HYI: variants seen among roughly 807,000 people sequenced by gnomAD.
HYI encodes the protein putative hydroxypyruvate isomerase.
In HYI, 47 loss-of-function variants were observed where a neutral mutation model predicts 39.7. The ratio of observed to expected loss-of-function variants is 1.18; its 90% CI spans 0.94 to 1.51. The LOEUF (loss-of-function observed/expected upper bound fraction) is 1.51, where lower values mean the gene tolerates loss of function less well. Ranked by LOEUF, HYI falls within the 40% of genes most tolerant of loss-of-function variation. The pLI, the probability that HYI is intolerant of heterozygous loss-of-function variation, is 0.00. For synonymous variants in HYI, 186 were observed against 158.8 expected, an observed-to-expected ratio of 1.17 and a Z score of -1.29; for missense variants, 465 against 370.3, an observed-to-expected ratio of 1.26 and a Z score of -2.10.
Position 43,453,627 on chromosome 1 carries a change from C to T in HYI, c.167G>A (p.Gly56Glu), listed in dbSNP as rs551641144. 1.8e-3 allele frequency: 2,706 copies of T among 1,496,150 alleles called. 4 individuals carry two copies. The highest frequency in any genetic ancestry group is 2.2e-3 in the Non-Finnish European group (2,486 of 1,128,570). The allele number at this position is 1,496,150 out of a possible 1,614,324, so 92.7% of individuals were successfully genotyped here. A position where few individuals can be genotyped will look rare whatever the true frequency, so the allele number is the denominator to read the frequency against. The change falls in exon 1 of 8, where the codon GGG becomes GAG. Residue 56 changes from glycine (G) to glutamate (E), a missense_variant. By Grantham distance (98) the Gly-to-Glu change is moderately conservative. Coordinates refer to ENST00000372430, the MANE Select transcript of HYI (RefSeq NM_001190880.3). ...CGTGTTGATCAGTACAAGCCGCAGC[C>T]CCGCTTCTCGCGCGGCGCGCGCCAG... Reference protein sequence around the residue: ...EALARAAREAGLRLVLINTPP... With the variant: ...EALARAAREAELRLVLINTPP...
downstream of HYI, chr1:43,450,979 G>A (rs561777385): frequency 5.1e-5 from 39 of 763,768 alleles, no homozygotes; most frequent in East Asian, 9.7e-5. This position sits in a 1 kb window ranked among gnomAD's most constrained non-coding sequence, Gnocchi z 4.3. Context: ...TGTGGCCACC[G>A]TCAAGTCCCT....
rs1201978606 is a variant in HYI at position 43,451,137 on chromosome 1, T to C, written c.*101A>G. 5 of 1,141,090 alleles carry C rather than the reference T, an allele frequency of 4.4e-6. No homozygotes were observed. The Admixed American group carries it at 8.5e-5, about 19-fold the overall frequency. 70.7% of individuals were successfully genotyped at this position (1,141,090 alleles called of 1,614,324 possible). Reference sequence around the variant, plus strand: ...AGACACTATGTGTCCCACCACCCCATTACAGAGACATATGACAATGTTCAG... The same window carrying C: ...AGACACTATGTGTCCCACCACCCCACTACAGAGACATATGACAATGTTCAG... On this transcript the variant is annotated 3_prime_UTR_variant, in exon 8 of 8. Transcript: ENST00000372430.
chr1:43,453,790 C>A lies in HYI; in HGVS notation c.4G>T (p.Ala2Ser), dbSNP rs754502980. The A allele has an allele frequency of 2.3e-6, 3 of 1,280,472 alleles. No homozygotes were observed. The highest frequency in any genetic ancestry group is 2.8e-5 in the South Asian group (1 of 35,940). 79.3% of individuals were successfully genotyped at this position (1,280,472 alleles called of 1,614,324 possible). Residue 2 changes from alanine to serine, a missense_variant, in exon 1 of 8, where the codon GCG becomes TCG. By Grantham distance (99) the Ala-to-Ser change is moderately conservative. Coordinates refer to ENST00000372430, the MANE Select transcript of HYI (RefSeq NM_001190880.3). M[A>S]PLRFSANLSW... ...AGATTGGCGGAGAAGCGCAGCGGCG[C>A]CATGCCTGGGGAGGCCGGGCCGGGC...
chr1:43,453,209 A>G (rs115834564), intron 2 of HYI, 177 bp downstream of exon 2: 2 of 640,360 alleles, frequency 3.1e-6, no homozygotes, highest in Non-Finnish European at 5.5e-6. Context: ...AGTGGCAAAC[A>G]GAGTGGCATA....
chr1:43,453,705 G>A lies in HYI; in HGVS notation c.89C>T (p.Ser30Leu), dbSNP rs770343251. 9.1e-6 allele frequency: 13 copies of A among 1,421,330 alleles called. No individual in the cohort carries two copies. The African/African-American group carries it at 1.7e-4, about 18-fold the overall frequency. The allele number at this position is 1,421,330 out of a possible 1,614,324, so 88.0% of individuals were successfully genotyped here. The part of the protein sequence containing the change: ...LPARVRAAGS[S>L]GFEAVEVAWP... ...GGCCACCTCGACGGCCTCGAAGCCC[G>A]AGCTGCCCGCGGCCCGCACCCGCGC... Residue 30 changes from serine to leucine, a missense_variant, in exon 1 of 8, where the codon TCG becomes TTG. Physicochemically the swap from Ser to Leu is moderately radical, Grantham distance 145. Coordinates refer to ENST00000372430, the MANE Select transcript of HYI (RefSeq NM_001190880.3).
chr1:43,451,400 C>A lies in HYI; in HGVS notation c.760+10G>T, dbSNP rs766303821. On this transcript the variant is annotated intron_variant, in intron 7 of 7. Coordinates refer to ENST00000372430, the MANE Select transcript of HYI (RefSeq NM_001190880.3). ...CCTCCAGAGCTCCCTTCCCCAGGGC[C>A]ACGCCTCACCTCGAGGCTGATACTC... is the stretch of plus-strand genomic sequence containing the variant. 1 of 1,612,256 alleles carries A rather than the reference C, an allele frequency of 6.2e-7. No individual in the cohort carries two copies. Among genetic ancestry groups the A allele is most frequent in the East Asian group, 2.2e-5 (1 of 44,860 alleles).
rs1557618320 is a variant in HYI at position 43,453,572 on chromosome 1, A to AGCCCTCCCG, written c.199+14_199+22dup. The AGCCCTCCCG allele has an allele frequency of 5.1e-6, 7 of 1,378,008 alleles. No homozygotes were observed. In the South Asian group the frequency reaches 6.5e-5, roughly 13 times the overall value. 85.4% of individuals were successfully genotyped at this position (1,378,008 alleles called of 1,614,324 possible). A position where few individuals can be genotyped will look rare whatever the true frequency, so the allele number is the denominator to read the frequency against. On this transcript the variant is annotated intron_variant, in intron 1 of 7. Coordinates refer to ENST00000372430, the MANE Select transcript of HYI (RefSeq NM_001190880.3). The stretch of plus-strand genomic sequence containing the variant: ...CGCCCCGGCACCCCCCAGCCCTCCC[A>AGCCCTCCCG]GCCCTCCCGGCCCGCGACGCACCCG...
Position 43,453,601 on chromosome 1 carries a change from G to T in HYI, c.193C>A (p.Pro65Thr). The T allele has an allele frequency of 6.6e-7, 1 of 1,526,666 alleles. No homozygotes were observed. 94.6% of individuals were successfully genotyped at this position (1,526,666 alleles called of 1,614,324 possible). A position where few individuals can be genotyped will look rare whatever the true frequency, so the allele number is the denominator to read the frequency against. The change falls in exon 1 of 8, where the codon CCC (proline) becomes ACC (threonine). Residue 65 changes from proline to threonine, a missense_variant. Transcript: ENST00000372430. ...AGLRLVLINTPPGDQEKGEMG... is the reference protein window; with the variant it reads ...AGLRLVLINTTPGDQEKGEMG... ...CTCCCGGCCCGCGACGCACCCGGGG[G>T]CGTGTTGATCAGTACAAGCCGCAGC... is the stretch of plus-strand genomic sequence containing the variant.
In HYI at chr1:43,453,120, C is replaced by T. The variant is rs549656793; in HGVS notation, c.311+266G>A. 13 of 722,244 alleles carry T rather than the reference C, an allele frequency of 1.8e-5. No individual in the cohort carries two copies. In the African/African-American group the frequency reaches 2.1e-4, roughly 12 times the overall value. The allele number at this position is 722,244 out of a possible 1,614,324, so 44.7% of individuals were successfully genotyped here. A position where few individuals can be genotyped will look rare whatever the true frequency, so the allele number is the denominator to read the frequency against. ...AATAGGCCTGTCCTCAAATGCATCA[C>T]TGTATATATTTACTCTCCTATCTGC... On this transcript the variant is annotated intron_variant, in intron 2 of 7. Coordinates refer to ENST00000372430, the MANE Select transcript of HYI (RefSeq NM_001190880.3).
Position 43,453,475 on chromosome 1 carries a change from C to A in HYI, c.222G>T (p.Met74Ile), listed in dbSNP as rs1428608586. 1 of 1,560,692 alleles carries A rather than the reference C, an allele frequency of 6.4e-7. No homozygotes were observed. The highest frequency in any genetic ancestry group is 2.4e-5 in the East Asian group (1 of 41,312). ...TPPGDQEKGEMGLGAVPGRQA... is the reference protein window; with the variant it reads ...TPPGDQEKGEIGLGAVPGRQA... ...GTCTCCCGGGGACGGCCCCCAGCCC[C>A]ATTTCCCCCTTCTCTTGGTCTCCTG... The change falls in exon 2 of 8, where the codon ATG (methionine) becomes ATT (isoleucine). Residue 74 changes from methionine to isoleucine, a missense_variant. By Grantham distance (10) the Met-to-Ile change is conservative. Coordinates refer to ENST00000372430, the MANE Select transcript of HYI (RefSeq NM_001190880.3).
chr1:43,452,538 T>C, intron 2 of HYI: 2 of 654,796 alleles, frequency 3.1e-6, no homozygotes, highest in Non-Finnish European at 2.8e-6. Context: ...CACCGCCTCC[T>C]GCCTCCAGTA....
In HYI at chr1:43,452,632, T is replaced by C. The variant is rs1482734450; in HGVS notation, c.312-313A>G. 2 of 595,620 alleles carry C rather than the reference T, an allele frequency of 3.4e-6. 1 individual carries two copies. The highest frequency in any genetic ancestry group is 6.0e-6 in the Non-Finnish European group (2 of 333,662). 36.9% of individuals were successfully genotyped at this position (595,620 alleles called of 1,614,324 possible). On this transcript the variant is annotated intron_variant, in intron 2 of 7. Transcript: ENST00000372430. ...TCACCTTTAAAAATTGTCCTGACCT[T>C]TGCTTGCCCTTCTCAGGTATTCCAT... is the stretch of plus-strand genomic sequence containing the variant.
At position 43,453,927 on chromosome 1, in the gene HYI, CG is replaced by C; in HGVS notation, c.-135del. 2 of 1,205,640 alleles carry C rather than the reference CG, an allele frequency of 1.7e-6. No homozygotes were observed. Among genetic ancestry groups the C allele is most frequent in the Non-Finnish European group, 2.1e-6 (2 of 971,428 alleles). 74.7% of individuals were successfully genotyped at this position (1,205,640 alleles called of 1,614,324 possible). A position where few individuals can be genotyped will look rare whatever the true frequency, so the allele number is the denominator to read the frequency against. ...CGAGCACTGTTCGTGGTTAGAAAAG[CG>C]AAGTGCTGTAAAAACCCGGGCCTTC... On this transcript the variant is annotated 5_prime_UTR_variant, in exon 1 of 8. Coordinates refer to ENST00000372430, the MANE Select transcript of HYI (RefSeq NM_001190880.3).
chr1:43,451,189 G>T lies in HYI; in HGVS notation c.*49C>A. 1 of 1,518,162 alleles carries T rather than the reference G, an allele frequency of 6.6e-7. No homozygotes were observed. Among genetic ancestry groups the T allele is most frequent in the Non-Finnish European group, 9.2e-7 (1 of 1,092,698 alleles). 94.0% of individuals were successfully genotyped at this position (1,518,162 alleles called of 1,614,324 possible). On this transcript the variant is annotated 3_prime_UTR_variant, in exon 8 of 8. Transcript: ENST00000372430. ...AGGTCATCTTTAATGCAGAGGAGGA[G>T]ATGGGATGTCACTCGCTGTCTGGAG...
rs377492617 is a variant in HYI at position 43,451,942 on chromosome 1, G to A, written c.498C>T (p.Pro166=). The A allele has an allele frequency of 1.9e-6, 3 of 1,612,274 alleles. No homozygotes were observed. The highest frequency in any genetic ancestry group is 1.1e-5 in the South Asian group (1 of 91,030). ...ACAGGGCTGGGGTCGTACCCTGCTG[G>A]GGCGTGTCCAGGAAGTACTGGGGGT... ...ITDPQYFLDT[P]QQAAAILQKV... Residue 166 remains proline (P), a synonymous_variant, in exon 4 of 8, where the codon CCC becomes CCT. Coordinates refer to ENST00000372430, the MANE Select transcript of HYI (RefSeq NM_001190880.3).
chr1:43,452,064 C>T (rs1557615119), intron 3 of HYI, 51 bp from the exon 4 acceptor site: 2 of 1,566,804 alleles, frequency 1.3e-6, no homozygotes, highest in Admixed American at 1.7e-5. Context: ...AGTTTGTCCC[C>T]CATCAGTCAG....
downstream of HYI, chr1:43,450,924 G>C: frequency 1.3e-6 from 1 of 751,932 alleles, no homozygotes; most frequent in Non-Finnish European, 2.4e-6. This position sits in a 1 kb window ranked among gnomAD's most constrained non-coding sequence, Gnocchi z 4.3. Flanking sequence ...CATTCCCATC[G>C]AGATGACACC....
chr1:43,453,455 C>T lies in HYI; in HGVS notation c.242G>A (p.Gly81Glu), dbSNP rs747888724. Residue 81 changes from glycine to glutamate, a missense_variant, in exon 2 of 8, where the codon GGG becomes GAG. Transcript: ENST00000372430. ...KGEMGLGAVP[G>E]RQAAFREGLE... ...TCCCTCTCGGAAGGCCGCCTGTCTC[C>T]CGGGGACGGCCCCCAGCCCCATTTC... 4 of 1,563,692 alleles carry T rather than the reference C, an allele frequency of 2.6e-6. No homozygotes were observed. The highest frequency in any genetic ancestry group is 3.5e-6 in the Non-Finnish European group (4 of 1,153,002).
chr1:43,452,065 C>A, intron 3 of HYI, 52 bp from the exon 4 acceptor site: 1 of 1,565,522 alleles, frequency 6.4e-7, no homozygotes, highest in South Asian at 1.2e-5. Context: ...GTTTGTCCCC[C>A]ATCAGTCAGT....
Sources: gnomAD v4.1 joint callset for allele counts on GRCh38, gnomAD v4.1.1 for gene constraint, Gnocchi (gnomAD v3.1) non-coding constraint, MANE v1.5 for transcripts, NCBI Gene and HGNC (gene_info 2026-07-23, HGNC 2026-07-21) for gene names.